DHRSX: variants seen among roughly 807,000 people sequenced by gnomAD.
The protein encoded by DHRSX is dehydrogenase/reductase X-linked, also known as polyprenol dehydrogenase.
DHRSX carries 31 observed loss-of-function variants against 34.0 expected under a neutral mutation model. The observed-to-expected ratio is 0.91, with a 90% CI of 0.69 to 1.23. The LOEUF (loss-of-function observed/expected upper bound fraction) is 1.23, where lower values mean the gene tolerates loss of function less well. DHRSX is among the 50% of genes most tolerant of loss of function. The probability of loss-of-function intolerance (pLI) is 0.00; values close to 1 mark genes in which losing one functional copy is unlikely to be tolerated. For synonymous variants in DHRSX, 201 were observed against 183.8 expected, an observed-to-expected ratio of 1.09 and a Z score of -0.76; for missense variants, 414 against 428.1, an observed-to-expected ratio of 0.97 and a Z score of 0.29.
chrX:2,432,345 T>C (rs145854935), intron 1 of DHRSX, among the ~76,000 whole-genome samples: 1 of 152,314 alleles, frequency 6.6e-6, no homozygotes, highest in East Asian at 1.9e-4. Flanking sequence ...GAATTTCTTT[T>C]AGGCAAACTG....
intron 4 of DHRSX, among the ~76,000 whole-genome samples, chrX:2,283,377 G>A (rs1449582746): frequency 1.3e-5 from 2 of 152,120 alleles, no homozygotes; most frequent in African/African-American, 4.8e-5. Context: ...CAGGAGAGCA[G>A]CTCTGGAAGA....
chrX:2,490,786 A>G, intron 1 of DHRSX: 1 of 1,556,728 alleles, frequency 6.4e-7, no homozygotes, highest in Non-Finnish European at 8.7e-7. Flanking sequence ...AGAAGGGCCA[A>G]GACAAACACA....
intron 3 of DHRSX, among the ~76,000 whole-genome samples, chrX:2,371,727 C>T (rs1054932746): frequency 5.3e-5 from 8 of 151,850 alleles, no homozygotes; most frequent in African/African-American, 1.2e-4. Context: ...CCCTCCTCCT[C>T]CCATTATCAC....
At chrX:2,382,720 CCAT>C (rs2043222707) in intron 3 of DHRSX, among the ~76,000 whole-genome samples, 2 of 11,160 alleles carry the variant, frequency 1.8e-4, no homozygotes, top group South Asian at 2.3e-3. Context: ...ATCATCACCA[CCAT>C]CATCACCATC....
intron 5 of DHRSX, among the ~76,000 whole-genome samples, chrX:2,262,108 C>A (rs1476711470): frequency 1.3e-5 from 2 of 152,208 alleles, no homozygotes; most frequent in African/African-American, 4.8e-5. Flanking sequence ...GGCCCCCACA[C>A]ACCCAGCCCA....
At chrX:2,358,897 C>T (rs921549807) in intron 3 of DHRSX, among the ~76,000 whole-genome samples, 11 of 150,144 alleles carry the variant, frequency 7.3e-5, no homozygotes, top group Non-Finnish European at 1.2e-4. Flanking sequence ...TGCAGTGAGC[C>T]GAGATCGCGC....
intron 5 of DHRSX, among the ~76,000 whole-genome samples, chrX:2,251,200 C>A (rs1442097675): frequency 6.6e-6 from 1 of 152,142 alleles, no homozygotes; most frequent in Admixed American, 6.6e-5. Flanking sequence ...ACTTTCCTCC[C>A]CATCTAATTA....
At chrX:2,438,306 TAC>T (rs113154779) in intron 1 of DHRSX, among the ~76,000 whole-genome samples, 41 of 149,530 alleles carry the variant, frequency 2.7e-4, no homozygotes, top group South Asian at 1.1e-3. Context: ...ACAGAATGCA[TAC>T]ACACACACAC....
chrX:2,264,397 CCA>C (rs2041409769), intron 5 of DHRSX, among the ~76,000 whole-genome samples: 1 of 151,062 alleles, frequency 6.6e-6, no homozygotes, highest in African/African-American at 2.4e-5. Context: ...GCAGGGAGCA[CCA>C]TGCCCAGAGC....
intron 3 of DHRSX, among the ~76,000 whole-genome samples, chrX:2,385,543 C>T (rs2043261563): frequency 6.6e-6 from 1 of 152,128 alleles, no homozygotes; most frequent in African/African-American, 2.4e-5. Flanking sequence ...CACTTGCCAT[C>T]CATTCAATTT....
chrX:2,230,311 A>T (rs976834390), intron 6 of DHRSX, among the ~76,000 whole-genome samples: 3 of 152,186 alleles, frequency 2.0e-5, no homozygotes, highest in African/African-American at 7.2e-5. Context: ...ACTTCTAGGG[A>T]TGTTTCATGG....
chrX:2,237,811 C>G (rs1340702978), intron 6 of DHRSX, among the ~76,000 whole-genome samples: 1 of 152,014 alleles, frequency 6.6e-6, no homozygotes, highest in Admixed American at 6.6e-5. Flanking sequence ...GCCGATAGCT[C>G]TTTTTTGTAA....
chrX:2,236,329 T>C (rs1422138310), intron 6 of DHRSX, among the ~76,000 whole-genome samples: 1 of 152,006 alleles, frequency 6.6e-6, no homozygotes, highest in Non-Finnish European at 1.5e-5. Flanking sequence ...ATTGGATACC[T>C]GGGGGAAGGG....
intron 2 of DHRSX, among the ~76,000 whole-genome samples, chrX:2,424,334 A>G (rs1410337787): frequency 2.0e-5 from 3 of 151,282 alleles, no homozygotes; most frequent in African/African-American, 7.3e-5. Context: ...ATGGACTAAG[A>G]CATCTCAGGA....
At chrX:2,327,486 C>T (rs1023943102) in intron 3 of DHRSX, among the ~76,000 whole-genome samples, 5 of 152,198 alleles carry the variant, frequency 3.3e-5, no homozygotes, top group Non-Finnish European at 7.3e-5. Flanking sequence ...AGGCCACAGG[C>T]TTTCCTGGCC....
intron 3 of DHRSX, among the ~76,000 whole-genome samples, chrX:2,317,964 C>T (rs2042260498): frequency 6.6e-6 from 1 of 152,034 alleles, no homozygotes; most frequent in Non-Finnish European, 1.5e-5. Flanking sequence ...TTGGAGCCCA[C>T]AAGAAATTTC....
At chrX:2,227,741 A>G in intron 6 of DHRSX, among the ~76,000 whole-genome samples, 1 of 1,420 alleles carries the variant, frequency 7.0e-4, no homozygotes, top group Non-Finnish European at 1.2e-3. Context: ...GGAGGGAGGG[A>G]AGGATGGGAA....
intron 3 of DHRSX, among the ~76,000 whole-genome samples, chrX:2,371,673 C>A (rs866163823): frequency 1.3e-5 from 1 of 75,908 alleles, no homozygotes; most frequent in South Asian, 3.5e-4. Flanking sequence ...CATAGTCCCT[C>A]CTCCTCCCAT....
intron 1 of DHRSX, among the ~76,000 whole-genome samples, chrX:2,481,613 C>A (rs895542427): frequency 6.6e-6 from 1 of 151,940 alleles, no homozygotes; most frequent in Non-Finnish European, 1.5e-5. Flanking sequence ...TTTCTGTGAG[C>A]CGAGATCGTG....
Sources: gnomAD v4.1 joint callset for allele counts (sites outside exome capture counted in the v4.1 genomes callset) on GRCh38, gnomAD v4.1.1 for gene constraint, MANE v1.5 for transcripts, NCBI Gene and HGNC (gene_info 2026-07-23, HGNC 2026-07-21) for gene names.